SMARCAL1: variants seen among roughly 807,000 people sequenced by gnomAD.
SMARCAL1 encodes the protein SNF2 related chromatin remodeling annealing helicase 1, also known as ATP-driven annealing helicase.
A neutral mutation model predicts 94.5 loss-of-function variants in SMARCAL1; 58 were observed. The ratio of observed to expected loss-of-function variants is 0.61; its 90% CI spans 0.50 to 0.76. The LOEUF is 0.76. Ranked by LOEUF, SMARCAL1 falls within the 30% of genes least tolerant of loss-of-function variation. SMARCAL1 has a pLI of 0.00. For missense variants in SMARCAL1, 1,051 were observed against 1,177.9 expected, an observed-to-expected ratio of 0.89 and a Z score of 1.58; for synonymous variants, 422 against 455.1, an observed-to-expected ratio of 0.93 and a Z score of 0.93.
At chr2:216,459,140 C>T (rs1040343728) in intron 12 of SMARCAL1, among the ~76,000 whole-genome samples, 3 of 152,054 alleles carry the variant, frequency 2.0e-5, no homozygotes, top group African/African-American at 7.2e-5. Context: ...TGTGAAGGAC[C>T]TCTTCAAGGA....
chr2:216,473,311 T>G (rs1259338633), intron 14 of SMARCAL1, among the ~76,000 whole-genome samples: 2 of 152,092 alleles, frequency 1.3e-5, no homozygotes, highest in East Asian at 1.9e-4. Context: ...TTTTTGAGAT[T>G]TATCCATGTT....
intron 12 of SMARCAL1, among the ~76,000 whole-genome samples, chr2:216,454,422 G>A (rs1011740297): frequency 3.3e-5 from 5 of 152,230 alleles, no homozygotes; most frequent in Admixed American, 2.0e-4. Flanking sequence ...CGTGTATTGC[G>A]TCATTAAATT....
At chr2:216,452,141 C>A (rs777645766) in intron 12 of SMARCAL1, among the ~76,000 whole-genome samples, 4 of 152,164 alleles carry the variant, frequency 2.6e-5, no homozygotes, top group Non-Finnish European at 5.9e-5. Context: ...GAGCAGGCAT[C>A]ATCTCTTTAT....
At chr2:216,471,860 A>G (rs960203432) in intron 14 of SMARCAL1, among the ~76,000 whole-genome samples, 7 of 152,254 alleles carry the variant, frequency 4.6e-5, no homozygotes, top group Admixed American at 1.3e-4. Context: ...ATCAACAGAT[A>G]TACTATTAAA....
intron 8 of SMARCAL1, 102 bp downstream of exon 8, chr2:216,432,970 C>T: frequency 6.8e-7 from 1 of 1,470,238 alleles, no homozygotes; most frequent in Non-Finnish European, 9.5e-7. Flanking sequence ...CTTTAAGGAT[C>T]CTGTCTCAAG....
intron 5 of SMARCAL1, 136 bp downstream of exon 5, chr2:216,420,668 GA>G: frequency 1.3e-6 from 1 of 741,268 alleles, no homozygotes; most frequent in Non-Finnish European, 2.4e-6. Context: ...TCTTCCTATA[GA>G]AAGATGACAC....
intron 16 of SMARCAL1, among the ~76,000 whole-genome samples, chr2:216,478,002 A>T (rs1695125485): frequency 6.6e-6 from 1 of 152,148 alleles, no homozygotes; most frequent in African/African-American, 2.4e-5. Context: ...GAACCTGATG[A>T]TATTCTTAGC....
chr2:216,428,142 G>T (rs912583125), intron 6 of SMARCAL1, among the ~76,000 whole-genome samples: 3 of 152,178 alleles, frequency 2.0e-5, no homozygotes, highest in Non-Finnish European at 4.4e-5. Flanking sequence ...TAGCCTGCAG[G>T]ACAGCAGGCT....
Position 216,438,146 on chromosome 2 carries a change from C to T in SMARCAL1, c.1645-274C>T, listed in dbSNP as rs77349113. ...CCTTCTAGTGGTTTCTTTGAGCAGCCTCTGAGGTGGGCGGAGCAGGGATTC... is the reference window on the plus strand; with the variant it reads ...CCTTCTAGTGGTTTCTTTGAGCAGCTTCTGAGGTGGGCGGAGCAGGGATTC... On this transcript the variant is annotated intron_variant, in intron 9 of 17. Transcript: ENST00000357276. Among the ~76,000 whole-genome samples the T allele has an allele frequency of 0.035, 5,344 of 152,292 alleles. 205 individuals carry two copies. The highest frequency in any genetic ancestry group is 0.16 in the East Asian group (821 of 5,168).
chr2:216,429,119 T>C lies in SMARCAL1; in HGVS notation c.1334+337T>C, dbSNP rs530666876. On this transcript the variant is annotated intron_variant, in intron 7 of 17. Coordinates refer to ENST00000357276, the MANE Select transcript of SMARCAL1 (RefSeq NM_014140.4). Reference sequence around the variant, plus strand: ...CTGCTCTCCTCTCTCAGATCTGCTTTCTGTTTGTTTGCTCTGTTCCCAAGC... The same window carrying C: ...CTGCTCTCCTCTCTCAGATCTGCTTCCTGTTTGTTTGCTCTGTTCCCAAGC... Among the ~76,000 whole-genome samples the C allele has an allele frequency of 3.9e-5, 6 of 152,342 alleles. No homozygotes were observed. The East Asian group carries it at 1.2e-3, about 29-fold the overall frequency.
chr2:216,478,846 T>C (rs927958584), intron 17 of SMARCAL1, among the ~76,000 whole-genome samples: 1 of 139,116 alleles, frequency 7.2e-6, no homozygotes, highest in Non-Finnish European at 1.5e-5. Flanking sequence ...TGGCCCAGCA[T>C]TCCTCCTTTG....
chr2:216,425,000 C>G (rs1693800893), intron 6 of SMARCAL1, among the ~76,000 whole-genome samples: 1 of 152,134 alleles, frequency 6.6e-6, no homozygotes, highest in Non-Finnish European at 1.5e-5. Context: ...CTCACTGCAA[C>G]CTCTGCCTCC....
At chr2:216,429,145 A>G (rs1435072051) in intron 7 of SMARCAL1, among the ~76,000 whole-genome samples, 1 of 152,244 alleles carries the variant, frequency 6.6e-6, no homozygotes, top group Non-Finnish European at 1.5e-5. Flanking sequence ...GTTCCCAAGC[A>G]GGTGTTACTC....
rs1213591735 is a variant in SMARCAL1, at chr2:216,415,234, C to A, written c.530C>A (p.Pro177Gln). The A allele has an allele frequency of 1.2e-6, 2 of 1,614,242 alleles. No individual in the cohort carries two copies. Among genetic ancestry groups the A allele is most frequent in the East Asian group, 2.2e-5 (1 of 44,890 alleles). Residue 177 changes from proline to glutamine, a missense_variant, in exon 3 of 18, where the codon CCA becomes CAA. By Grantham distance (76) the Pro-to-Gln change is moderately conservative (BLOSUM62 -1). This residue lies in a region of SMARCAL1 where 398 missense variants were observed against 395.2 expected (regional missense o/e 1.01). Coordinates refer to ENST00000357276, the MANE Select transcript of SMARCAL1 (RefSeq NM_014140.4). Reference sequence around the variant, plus strand: ...AAACCAAAGAGTTCCCAAGAGACACCAGCTCATTCCTCTGGACAGCCTCCC... The same window carrying A: ...AAACCAAAGAGTTCCCAAGAGACACAAGCTCATTCCTCTGGACAGCCTCCC... ...LAKPKSSQET[P>Q]AHSSGQPPRD...
chr2:216,416,807 G>A (rs1427068016), intron 4 of SMARCAL1, among the ~76,000 whole-genome samples: 2 of 152,214 alleles, frequency 1.3e-5, no homozygotes, highest in Non-Finnish European at 2.9e-5. Context: ...CAGATCCTCA[G>A]AGTACTCTCT....
At position 216,475,262 on chromosome 2, in the gene SMARCAL1, C is replaced by A. The variant is rs1695045991; in HGVS notation, c.2245-7C>A. The A allele has an allele frequency of 6.2e-7, 1 of 1,614,070 alleles. No homozygotes were observed. Among genetic ancestry groups the A allele is most frequent in the African/African-American group, 1.3e-5 (1 of 75,062 alleles). On this transcript the variant is annotated splice_region_variant and splice_polypyrimidine_tract_variant and intron_variant, in intron 14 of 17. Transcript: ENST00000357276. This position sits in a 1 kb window ranked among gnomAD's most constrained non-coding sequence, Gnocchi z 4.4. ...GCCCACCTTGCTTCTGCCCCTTGTT[C>A]CTGCAGCACGTGCAGCACATCCGCA...
intron 4 of SMARCAL1, among the ~76,000 whole-genome samples, chr2:216,420,041 A>AG (rs1693681407): frequency 6.7e-6 from 1 of 148,594 alleles, no homozygotes; most frequent in African/African-American, 2.5e-5. Flanking sequence ...AAAAAAAAAA[A>AG]AAAAAAGAAA....
Position 216,450,881 on chromosome 2 carries a change from C to T in SMARCAL1, c.1887C>T (p.Asn629=), listed in dbSNP as rs1694435504. 6.2e-7 allele frequency: 1 copy of T among 1,614,062 alleles called. No individual in the cohort carries two copies. The highest frequency in any genetic ancestry group is 8.5e-7 in the Non-Finnish European group (1 of 1,180,048). ...PWGWDYSGSS[N]LGELKLLLEE... is the part of the protein sequence containing the mutation. ...GGTGGGACTACTCAGGTTCCTCCAA[C>T]CTGGGAGAGCTGAAGCTCCTGCTGG... The change falls in exon 12 of 18, where the codon AAC becomes AAT. Residue 629 remains asparagine, a synonymous_variant. Coordinates refer to ENST00000357276, the MANE Select transcript of SMARCAL1 (RefSeq NM_014140.4).
chr2:216,436,277 T>C (rs574061513), intron 9 of SMARCAL1, among the ~76,000 whole-genome samples: 2 of 152,318 alleles, frequency 1.3e-5, no homozygotes, highest in Non-Finnish European at 2.9e-5. Flanking sequence ...CCTCTAATTG[T>C]TTTTTAAAGA....
Sources: gnomAD v4.1 joint callset for allele counts (sites outside exome capture counted in the v4.1 genomes callset) on GRCh38, gnomAD v4.1.1 for gene constraint, gnomAD v4.1.1 regional missense constraint, Gnocchi (gnomAD v3.1) non-coding constraint, MANE v1.5 for transcripts, NCBI Gene and HGNC (gene_info 2026-07-23, HGNC 2026-07-21) for gene names.